The following RBFOX1 variants were observed in gnomAD, a reference collection of about 807,000 sequenced individuals.
RBFOX1 encodes the protein RNA binding fox-1 homolog 1, also known as RNA binding protein fox-1 homolog 1.
A neutral mutation model predicts 57.7 loss-of-function variants in RBFOX1; 8 were observed. The observed-to-expected ratio is 0.14, with a 90% CI of 0.08 to 0.25. RBFOX1 has a LOEUF of 0.25. Ranked by LOEUF, RBFOX1 falls within the 10% of genes least tolerant of loss-of-function variation. RBFOX1 has a pLI of 1.00. For synonymous variants in RBFOX1, 326 were observed against 222.4 expected (o/e 1.47, Z -4.15); for missense variants, 611 against 548.5 (o/e 1.11, Z -1.14).
At chr16:5,332,461 A>C (rs1175855317) in intron 1 of RBFOX1, among the ~76,000 whole-genome samples, 1 of 151,880 alleles carries the variant, frequency 6.6e-6, no homozygotes, top group Non-Finnish European at 1.5e-5. Flanking sequence ...ATGGGGTTTC[A>C]CCATGTTGGC....
chr16:7,385,562 T>G (rs190553990), intron 4 of RBFOX1, among the ~76,000 whole-genome samples: 3 of 152,228 alleles, frequency 2.0e-5, no homozygotes, highest in Admixed American at 6.5e-5. Context: ...AGCAGAAATG[T>G]GAAAGGCCAT....
intron 3 of RBFOX1, among the ~76,000 whole-genome samples, chr16:6,880,746 T>C (rs1046236063): frequency 2.0e-5 from 3 of 152,214 alleles, no homozygotes; most frequent in African/African-American, 7.2e-5. Flanking sequence ...TATGATTGTA[T>C]TTGATTGCGT....
At chr16:7,095,053 T>C (rs2061476639) in intron 4 of RBFOX1, among the ~76,000 whole-genome samples, 1 of 152,170 alleles carries the variant, frequency 6.6e-6, no homozygotes, top group African/African-American at 2.4e-5. Flanking sequence ...TGCAAATCTG[T>C]CTATATTTTG....
intron 4 of RBFOX1, among the ~76,000 whole-genome samples, chr16:5,969,179 C>T (rs185828103): frequency 6.6e-6 from 1 of 151,150 alleles, no homozygotes; most frequent in Non-Finnish European, 1.5e-5. Context: ...CAGCATTGAT[C>T]TTATTTTTGA....
At chr16:6,133,948 T>C (rs891745756) in intron 1 of RBFOX1, among the ~76,000 whole-genome samples, 1 of 152,114 alleles carries the variant, frequency 6.6e-6, no homozygotes, top group Non-Finnish European at 1.5e-5. Flanking sequence ...TTTTCTTTTT[T>C]TTTTTGGAAT....
At chr16:5,414,781 C>T (rs79073010) in intron 1 of RBFOX1, among the ~76,000 whole-genome samples, 1 of 152,122 alleles carries the variant, frequency 6.6e-6, no homozygotes, top group Non-Finnish European at 1.5e-5. Context: ...TGACAACTGG[C>T]TGGACATAAC....
At chr16:7,447,174 A>C (rs2098815352) in intron 4 of RBFOX1, among the ~76,000 whole-genome samples, 1 of 151,954 alleles carries the variant, frequency 6.6e-6, no homozygotes, top group African/African-American at 2.4e-5. Context: ...CTCCGTAAGA[A>C]AAACATTCAC....
intron 3 of RBFOX1, among the ~76,000 whole-genome samples, chr16:5,690,154 A>G (rs1471042896): frequency 1.3e-5 from 2 of 152,160 alleles, no homozygotes; most frequent in East Asian, 3.9e-4. Context: ...CCTGAAAAGG[A>G]GTCTTGGTTT....
chr16:6,982,772 C>T lies in RBFOX1; in HGVS notation c.-15-69285C>T, dbSNP rs1599091482. 2.0e-5 allele frequency among the ~76,000 whole-genome samples: 3 copies of T among 152,222 alleles called. No homozygotes were observed. In the South Asian group the frequency reaches 6.2e-4, roughly 32 times the overall value. ...CTTTGGGAGGTCGAGGCAGGTGGAT[C>T]ACCTGAGGTCAGGAGTTCAAGACCA... On this transcript the variant is annotated intron_variant, in intron 3 of 15. Coordinates refer to ENST00000550418, the MANE Select transcript of RBFOX1 (RefSeq NM_018723.4).
At chr16:6,908,837 C>G (rs374070710) in intron 3 of RBFOX1, among the ~76,000 whole-genome samples, 7 of 152,110 alleles carry the variant, frequency 4.6e-5, no homozygotes, top group Non-Finnish European at 1.0e-4. Context: ...GCCAGCCTCA[C>G]AAGGCTATTG....
At chr16:7,674,976 T>C (rs553387693) in intron 13 of RBFOX1, among the ~76,000 whole-genome samples, 151 of 152,330 alleles carry the variant, frequency 9.9e-4, no homozygotes, top group Non-Finnish European at 1.8e-3. Flanking sequence ...TGGCATCTGA[T>C]TGCTGCAAAT....
chr16:5,683,943 G>C (rs1447054901), intron 3 of RBFOX1, among the ~76,000 whole-genome samples: 2 of 151,926 alleles, frequency 1.3e-5, no homozygotes. Context: ...ACTTGATTTT[G>C]ACATATTATC....
At chr16:6,052,369 G>C (rs2095561207) in intron 1 of RBFOX1, among the ~76,000 whole-genome samples, 1 of 152,080 alleles carries the variant, frequency 6.6e-6, no homozygotes, top group Non-Finnish European at 1.5e-5. Context: ...TTTTTGTGAT[G>C]ACTTCCACTG....
chr16:5,569,282 G>C (rs1235935203), intron 2 of RBFOX1, among the ~76,000 whole-genome samples: 1 of 148,720 alleles, frequency 6.7e-6, no homozygotes, highest in Non-Finnish European at 1.5e-5. Flanking sequence ...GTCAGCAGAG[G>C]GGCTTTGAAA....
At chr16:5,775,559 C>G (rs1767093050) in intron 3 of RBFOX1, among the ~76,000 whole-genome samples, 1 of 152,192 alleles carries the variant, frequency 6.6e-6, no homozygotes, top group Non-Finnish European at 1.5e-5. Flanking sequence ...GTTCAGACAC[C>G]AGGTGCACAG....
chr16:5,486,986 C>G (rs528234491), intron 2 of RBFOX1, among the ~76,000 whole-genome samples: 1 of 152,246 alleles, frequency 6.6e-6, no homozygotes, highest in East Asian at 1.9e-4. Context: ...TGTAATACCC[C>G]CAGGCCTTTG....
intron 2 of RBFOX1, among the ~76,000 whole-genome samples, chr16:5,589,184 A>G (rs978043585): frequency 6.6e-6 from 1 of 152,138 alleles, no homozygotes; most frequent in African/African-American, 2.4e-5. Flanking sequence ...GTTGGCCCCT[A>G]TCTGCACTTG....
intron 3 of RBFOX1, among the ~76,000 whole-genome samples, chr16:6,969,730 C>G (rs1033127919): frequency 1.3e-4 from 19 of 151,972 alleles, no homozygotes; most frequent in Admixed American, 1.2e-3. Context: ...GGTGACAGAG[C>G]CAGACCCTGT....
intron 9 of RBFOX1, among the ~76,000 whole-genome samples, chr16:7,602,347 C>A (rs754689147): frequency 2.0e-5 from 3 of 152,140 alleles, no homozygotes; most frequent in Non-Finnish European, 4.4e-5. Flanking sequence ...GACCCCAAGA[C>A]GTCTGTTCTC....
Sources: allele counts gnomAD v4.1 joint callset (sites outside exome capture counted in the v4.1 genomes callset), GRCh38; gene constraint gnomAD v4.1.1; transcripts MANE v1.5; gene names NCBI Gene and HGNC (gene_info 2026-07-23, HGNC 2026-07-21).